FOCAD: variants seen among roughly 807,000 people sequenced by gnomAD.
The protein encoded by FOCAD is focadhesin, also known as KIAA1797.
A neutral mutation model predicts 225.6 loss-of-function variants in FOCAD; 198 were observed. That is an observed-to-expected ratio of 0.88 (90% CI 0.78 to 0.99). The LOEUF (loss-of-function observed/expected upper bound fraction) is 0.99. Ranked by LOEUF, FOCAD falls within the 50% of genes least tolerant of loss-of-function variation. The pLI is 0.00. For synonymous variants in FOCAD, 897 were observed against 755.0 expected, an observed-to-expected ratio of 1.19 and a Z score of -3.08; for missense variants, 2,713 against 2,123.6, an observed-to-expected ratio of 1.28 and a Z score of -5.46.
At chr9:20,966,606 A>T (rs1014643416) in intron 35 of FOCAD, among the ~76,000 whole-genome samples, 1 of 152,026 alleles carries the variant, frequency 6.6e-6, no homozygotes, top group Admixed American at 6.5e-5. Context: ...AAGGTCAAAG[A>T]TTTACCCCTG....
intron 15 of FOCAD, among the ~76,000 whole-genome samples, chr9:20,845,454 T>C (rs937059476): frequency 2.0e-5 from 3 of 148,082 alleles, no homozygotes; most frequent in East Asian, 2.0e-4. Context: ...TATATATATA[T>C]ATATATATAT....
rs117802979 is a variant in FOCAD, at chr9:20,708,277, T to C, written c.-32-7045T>C. Among the ~76,000 whole-genome samples, 585 of 152,352 alleles carry C rather than the reference T, an allele frequency of 3.8e-3. 11 individuals are homozygous for C. The East Asian group carries it at 0.066, about 17-fold the overall frequency. The stretch of plus-strand genomic sequence containing the variant: ...GGTTTTAGGCTGATGGTTCCATAGC[T>C]TAATTTGTGGGAGGAAGAAACTAAG... On this transcript the variant is annotated intron_variant, in intron 1 of 43. Transcript: ENST00000338382.
chr9:20,884,874 A>G lies in FOCAD; in HGVS notation c.2504-235A>G, dbSNP rs916312970. On this transcript the variant is annotated intron_variant, in intron 20 of 43. Coordinates refer to ENST00000338382, the MANE Select transcript of FOCAD (RefSeq NM_001375567.1). ...CAGCAGTTAGAGACCAGCCTGGCCA[A>G]TATGGTGAAACCCTGTCTCCACTAA... 1.1e-4 allele frequency among the ~76,000 whole-genome samples: 16 copies of G among 151,906 alleles called. 1 individual carries two copies. The highest frequency in any genetic ancestry group is 3.4e-3 in the Middle Eastern group (1 of 294).
chr9:20,985,692 A>C (rs1295390811), intron 39 of FOCAD, among the ~76,000 whole-genome samples: 1 of 152,144 alleles, frequency 6.6e-6, no homozygotes, highest in African/African-American at 2.4e-5. Context: ...AGTATTTCTC[A>C]GTTTGTCGCA....
intron 8 of FOCAD, among the ~76,000 whole-genome samples, chr9:20,772,413 T>C (rs1563972273): frequency 6.6e-6 from 1 of 152,134 alleles, no homozygotes; most frequent in Non-Finnish European, 1.5e-5. Flanking sequence ...GTGGTGGAAC[T>C]CTGGGGTGTT....
At chr9:20,908,028 T>C (rs751118048) in intron 22 of FOCAD, among the ~76,000 whole-genome samples, 18 of 152,128 alleles carry the variant, frequency 1.2e-4, no homozygotes, top group Non-Finnish European at 1.0e-4. Flanking sequence ...TGAGATATAC[T>C]CAATTTGAGT....
Position 20,971,074 on chromosome 9 carries a change from GTCTTCTTTCTCTC to G in FOCAD, c.4133-5344_4133-5332del, listed in dbSNP as rs558869076. Among the ~76,000 whole-genome samples, 32 of 152,186 alleles carry G rather than the reference GTCTTCTTTCTCTC, an allele frequency of 2.1e-4. 2 individuals carry two copies. The South Asian group carries it at 6.4e-3, about 31-fold the overall frequency. ...CTTCTCAAAATTGTAAAGTTTGTCT[GTCTTCTTTCTCTC>G]TGAAGGCTCTGTTCTTTTAGCCAGT... On this transcript the variant is annotated intron_variant, in intron 35 of 43. Transcript: ENST00000338382.
At chr9:20,937,631 C>A (rs773953387) in intron 28 of FOCAD, among the ~76,000 whole-genome samples, 14 of 152,204 alleles carry the variant, frequency 9.2e-5, no homozygotes, top group East Asian at 3.9e-4. Flanking sequence ...AAACCCTAGA[C>A]GAAAACCTAG....
At chr9:20,947,147 CA>C in intron 30 of FOCAD, among the ~76,000 whole-genome samples, 1 of 151,904 alleles carries the variant, frequency 6.6e-6, no homozygotes, top group South Asian at 2.1e-4. Flanking sequence ...AAGTTAGAAA[CA>C]AAAATTTGTG....
rs1564024181 is a variant in FOCAD at position 20,815,123 on chromosome 9, G to GTGTTTTT, written c.1456-4672_1456-4671insGTTTTTT. Among the ~76,000 whole-genome samples, 115 of 85,376 alleles carry GTGTTTTT rather than the reference G, an allele frequency of 1.3e-3. 12 individuals carry two copies. Among genetic ancestry groups the GTGTTTTT allele is most frequent in the Middle Eastern group, 0.017 (2 of 118 alleles). The allele number at this position is 85,376 out of a possible 152,430, so 56.0% of individuals were successfully genotyped here. ...TCTGGAAATATCATTACTTCTCTTTGTTTTTTTTTTTTTGTTTTTTTTTTT... is the reference window on the plus strand; with the variant it reads ...TCTGGAAATATCATTACTTCTCTTTGTGTTTTTTTTTTTTTTTTTTGTTTTTTTTTTT... On this transcript the variant is annotated intron_variant, in intron 11 of 43. Transcript: ENST00000338382.
intron 23 of FOCAD, among the ~76,000 whole-genome samples, 191 bp downstream of exon 23, chr9:20,913,145 T>TACACACACACACAC (rs56856864): frequency 1.7e-4 from 24 of 137,332 alleles, no homozygotes; most frequent in African/African-American, 3.0e-4. Context: ...AAATTATACA[T>TACACACACACACAC]ACACACACAC....
At chr9:20,922,341 T>TG (rs71304866) in intron 24 of FOCAD, among the ~76,000 whole-genome samples, 30,742 of 151,682 alleles carry the variant, frequency 0.2, 3,775 homozygotes, top group South Asian at 0.32. Context: ...TACATTGAGG[T>TG]GGGGGGGTGG....
chr9:20,868,039 T>C (rs781762456), intron 18 of FOCAD, among the ~76,000 whole-genome samples: 5 of 152,078 alleles, frequency 3.3e-5, no homozygotes, highest in African/African-American at 7.2e-5. Context: ...CAAAGATAGA[T>C]TGACCGCTTG....
intron 11 of FOCAD, among the ~76,000 whole-genome samples, chr9:20,803,203 G>A (rs1822033882): frequency 1.3e-5 from 2 of 152,084 alleles, no homozygotes; most frequent in Non-Finnish European, 2.9e-5. Flanking sequence ...GAGAGGATAG[G>A]TGAAAAGAAG....
At chr9:20,938,953 C>G (rs1040966049) in intron 28 of FOCAD, among the ~76,000 whole-genome samples, 1 of 150,222 alleles carries the variant, frequency 6.7e-6, no homozygotes, top group African/African-American at 2.4e-5. Context: ...TATATTTTAC[C>G]TTAATAAAAA....
intron 35 of FOCAD, among the ~76,000 whole-genome samples, chr9:20,966,937 T>C (rs1839315336): frequency 6.6e-6 from 1 of 152,120 alleles, no homozygotes; most frequent in African/African-American, 2.4e-5. Context: ...TATAGCTGTA[T>C]AGTAAGATTA....
At chr9:20,682,903 G>A (rs1347870700), upstream of FOCAD, among the ~76,000 whole-genome samples, 6 of 152,156 alleles carry the variant, frequency 3.9e-5, no homozygotes, top group Admixed American at 3.9e-4. Flanking sequence ...CCTGAGTAGA[G>A]TAGCCGTGAC....
intron 40 of FOCAD, among the ~76,000 whole-genome samples, 156 bp from the exon 41 acceptor site, chr9:20,988,176 A>C (rs762800652): frequency 6.6e-6 from 1 of 152,228 alleles, no homozygotes; most frequent in African/African-American, 2.4e-5. Context: ...ACTCTCTCAC[A>C]GGCAGTCACA....
At chr9:20,778,437 G>A (rs1163348091) in intron 8 of FOCAD, among the ~76,000 whole-genome samples, 1 of 152,112 alleles carries the variant, frequency 6.6e-6, no homozygotes, top group Non-Finnish European at 1.5e-5. Flanking sequence ...GGCTGGGCTG[G>A]TCTCGAACTT....
Sources: gnomAD v4.1 joint callset for allele counts (sites outside exome capture counted in the v4.1 genomes callset) on GRCh38, gnomAD v4.1.1 for gene constraint, MANE v1.5 for transcripts, NCBI Gene and HGNC (gene_info 2026-07-23, HGNC 2026-07-21) for gene names.